Variants in EEFSEC observed in about 807,000 individuals in gnomAD.
EEFSEC encodes the protein selenocysteine-specific elongation factor.
In EEFSEC, 43 loss-of-function variants were observed where a neutral mutation model predicts 42.1. That is an observed-to-expected ratio of 1.02 (90% CI 0.80 to 1.32). The LOEUF is 1.32. Ranked by LOEUF, EEFSEC falls within the 40% of genes most tolerant of loss-of-function variation. The probability of loss-of-function intolerance (pLI) is 0.00; values close to 1 mark genes in which losing one functional copy is unlikely to be tolerated. For missense variants in EEFSEC, 745 were observed against 803.6 expected (o/e 0.93, Z 0.88); for synonymous variants, 354 against 339.1 (o/e 1.04, Z -0.48).
intron 5 of EEFSEC, 77 bp from the exon 6 acceptor site, chr3:128,358,140 G>T (rs1051253787): frequency 1.9e-6 from 3 of 1,555,766 alleles, no homozygotes; most frequent in Non-Finnish European, 2.6e-6. Flanking sequence ...GGGAGAGCTG[G>T]GGCTAGGCAC....
chr3:128,229,116 T>A (rs1468419795), intron 1 of EEFSEC, among the ~76,000 whole-genome samples: 1 of 152,226 alleles, frequency 6.6e-6, no homozygotes, highest in Non-Finnish European at 1.5e-5. Flanking sequence ...TGTCAGAGAC[T>A]GTTTGGAGCT....
rs367873623 is a variant in EEFSEC at position 128,222,613 on chromosome 3, A to G, written c.317-24223A>G. ...TTATTGTCTTGCTCTACCATACTTT[A>G]TCTGTCTACTCTTGATGAATGTATG... is the stretch of plus-strand genomic sequence containing the variant. On this transcript the variant is annotated intron_variant, in intron 1 of 6. Coordinates refer to ENST00000254730, the MANE Select transcript of EEFSEC (RefSeq NM_021937.5). Among the ~76,000 whole-genome samples the G allele has an allele frequency of 4.6e-5, 7 of 152,282 alleles. No individual in the cohort carries two copies. The East Asian group carries it at 1.2e-3, about 25-fold the overall frequency.
At chr3:128,394,866 G>A (rs567428179) in intron 6 of EEFSEC, among the ~76,000 whole-genome samples, 1 of 152,332 alleles carries the variant, frequency 6.6e-6, no homozygotes, top group East Asian at 1.9e-4. Flanking sequence ...ATATGGCTGT[G>A]TGGTCAGAAG....
chr3:128,377,309 C>A (rs1436633180), intron 6 of EEFSEC, among the ~76,000 whole-genome samples: 5 of 151,796 alleles, frequency 3.3e-5, no homozygotes, highest in African/African-American at 1.2e-4. Context: ...GAAGTTGAAC[C>A]ACGTAGTGAT....
chr3:128,290,022 C>T (rs1033006277), intron 4 of EEFSEC, among the ~76,000 whole-genome samples: 16 of 152,168 alleles, frequency 1.1e-4, no homozygotes, highest in Non-Finnish European at 1.8e-4. Flanking sequence ...TGATTTCTCC[C>T]GGTCTATAAA....
chr3:128,313,444 C>A (rs1302198166), intron 4 of EEFSEC, among the ~76,000 whole-genome samples: 1 of 152,228 alleles, frequency 6.6e-6, no homozygotes, highest in Non-Finnish European at 1.5e-5. Flanking sequence ...AGTTAGTGAC[C>A]AGGCTGCATC....
At chr3:128,171,040 C>T (rs2065290555) in intron 1 of EEFSEC, among the ~76,000 whole-genome samples, 1 of 152,156 alleles carries the variant, frequency 6.6e-6, no homozygotes, top group African/African-American at 2.4e-5. Flanking sequence ...CCTGGAGACC[C>T]AGCTGTACAA....
chr3:128,264,920 T>C, intron 4 of EEFSEC, 139 bp downstream of exon 4: 1 of 1,051,294 alleles, frequency 9.5e-7, no homozygotes, highest in South Asian at 1.7e-5. Context: ...CCACCTCCCC[T>C]CTGGCTGCCT....
intron 1 of EEFSEC, among the ~76,000 whole-genome samples, chr3:128,215,571 A>G (rs746018524): frequency 6.6e-6 from 1 of 152,204 alleles, no homozygotes; most frequent in African/African-American, 2.4e-5. Context: ...ATGATGCTTG[A>G]GTTGAACTGC....
rs150962552 is a variant in EEFSEC at position 128,166,474 on chromosome 3, G to A, written c.316+12651G>A. Among the ~76,000 whole-genome samples the A allele has an allele frequency of 9.2e-3, 1,398 of 152,200 alleles. 24 individuals carry two copies. The highest frequency in any genetic ancestry group is 0.031 in the African/African-American group (1,301 of 41,536). On this transcript the variant is annotated intron_variant, in intron 1 of 6. Transcript: ENST00000254730. ...ATTTTAATTAATTTAAATTTATATA[G>A]GCACAGGTGGCTAGTGGCTGCTGTA...
intron 4 of EEFSEC, among the ~76,000 whole-genome samples, chr3:128,302,358 G>T (rs532886323): frequency 6.6e-6 from 1 of 152,140 alleles, no homozygotes; most frequent in South Asian, 2.1e-4. Flanking sequence ...ATAAAGGAGG[G>T]TGAAGGGAAG....
intron 1 of EEFSEC, among the ~76,000 whole-genome samples, chr3:128,172,743 T>C (rs1440397542): frequency 6.6e-6 from 1 of 152,232 alleles, no homozygotes; most frequent in Non-Finnish European, 1.5e-5. Flanking sequence ...GGATTATTCA[T>C]TTATTTGATT....
rs113360528 is a variant in EEFSEC at position 128,306,771 on chromosome 3, A to G, written c.787-34462A>G. Among the ~76,000 whole-genome samples the G allele has an allele frequency of 8.9e-4, 135 of 152,298 alleles. 1 individual carries two copies. Among genetic ancestry groups the G allele is most frequent in the African/African-American group, 3.2e-3 (131 of 41,570 alleles). ...AAGCTATCCTTTCAAGGTACTTCTT[A>G]TATTTTTTGTCAGATGAGAAAACTG... On this transcript the variant is annotated intron_variant, in intron 4 of 6. Transcript: ENST00000254730.
intron 2 of EEFSEC, among the ~76,000 whole-genome samples, chr3:128,257,862 G>A (rs1265868136): frequency 6.6e-6 from 1 of 152,160 alleles, no homozygotes; most frequent in Non-Finnish European, 1.5e-5. Flanking sequence ...GGTTTGGCAT[G>A]CTAGGAGCCA....
At chr3:128,199,273 C>A (rs1283602742) in intron 1 of EEFSEC, among the ~76,000 whole-genome samples, 1 of 152,204 alleles carries the variant, frequency 6.6e-6, no homozygotes, top group African/African-American at 2.4e-5. Flanking sequence ...AATGCAAGAG[C>A]CTCCTCACCC....
intron 1 of EEFSEC, among the ~76,000 whole-genome samples, chr3:128,199,704 C>CA (rs963925870): frequency 1.3e-5 from 2 of 151,878 alleles, no homozygotes; most frequent in African/African-American, 4.8e-5. Flanking sequence ...CCCCTCCCTG[C>CA]AAAAAAGTCA....
intron 2 of EEFSEC, among the ~76,000 whole-genome samples, chr3:128,258,564 T>C (rs1196279669): frequency 1.3e-5 from 2 of 152,150 alleles, no homozygotes; most frequent in Admixed American, 6.5e-5. Context: ...TGGTGGGTGC[T>C]TCACCAATAT....
chr3:128,419,984 T>G, the EEFSEC span, among the ~76,000 whole-genome samples: 1 of 150,750 alleles, frequency 6.6e-6, no homozygotes, highest in Non-Finnish European at 1.5e-5. Flanking sequence ...CCAGAGACAG[T>G]GAGAGTAAGG....
chr3:128,216,967 A>T (rs1363661438), intron 1 of EEFSEC, among the ~76,000 whole-genome samples: 1 of 152,360 alleles, frequency 6.6e-6, no homozygotes, highest in South Asian at 2.1e-4. Flanking sequence ...ACACGTACAT[A>T]TGTAGCTCAA....
Sources: allele counts gnomAD v4.1 joint callset (sites outside exome capture counted in the v4.1 genomes callset), GRCh38; gene constraint gnomAD v4.1.1; transcripts MANE v1.5; gene names NCBI Gene and HGNC (gene_info 2026-07-23, HGNC 2026-07-21).